Variants in GCN1 observed in about 807,000 individuals in gnomAD.
GCN1 encodes GCN1 activator of EIF2AK4.
Under a neutral mutation model 288.4 loss-of-function variants are expected in GCN1, and 90 were observed. That is an observed-to-expected ratio of 0.31 (90% CI 0.26 to 0.37). The LOEUF (loss-of-function observed/expected upper bound fraction) is 0.37. Ranked by LOEUF, GCN1 falls within the 10% of genes least tolerant of loss-of-function variation. GCN1 has a pLI of 1.00. For missense variants in GCN1, 2,586 were observed against 3,419.9 expected (o/e 0.76, Z 6.08); for synonymous variants, 1,386 against 1,420.2 (o/e 0.98, Z 0.54).
intron 23 of GCN1, 23 bp downstream of exon 23, chr12:120,160,119 A>G (rs1877878723): frequency 9.4e-6 from 15 of 1,596,654 alleles, no homozygotes; most frequent in Non-Finnish European, 1.3e-5. Flanking sequence ...CGGCTTGAGC[A>G]TGTGGCGGAG....
intron 51 of GCN1, among the ~76,000 whole-genome samples, chr12:120,135,407 C>T (rs1876968337): frequency 6.6e-6 from 1 of 151,948 alleles, no homozygotes; most frequent in Non-Finnish European, 1.5e-5. Context: ...TCTTGTTGCC[C>T]AGGCTGGAGT....
chr12:120,137,326 G>T lies in GCN1; in HGVS notation c.6664-7C>A. On this transcript the variant is annotated splice_polypyrimidine_tract_variant and splice_region_variant and intron_variant, in intron 49 of 57. Coordinates refer to ENST00000300648, the MANE Select transcript of GCN1 (RefSeq NM_006836.2). The surrounding 1 kb of genome is among the most constrained non-coding windows in gnomAD (Gnocchi z 5.2). ...GGTTGCCAGCATCCAGCTTCTGCAG[G>T]AATCCAGGAAAAAGCGAGAGGATGT... The T allele has an allele frequency of 6.2e-7, 1 of 1,609,206 alleles. No individual in the cohort carries two copies.
rs775963019 is a variant in GCN1 at position 120,163,269 on chromosome 12, G to A, written c.1849-10C>T. 2 of 1,609,034 alleles carry A rather than the reference G, an allele frequency of 1.2e-6. No homozygotes were observed. Among genetic ancestry groups the A allele is most frequent in the African/African-American group, 2.7e-5 (2 of 74,850 alleles). ...CCTCTAAGGGCAGCACCTGTGTGGAGACACATGAGATAATACTGCTAAGAG... is the reference window on the plus strand; with the variant it reads ...CCTCTAAGGGCAGCACCTGTGTGGAAACACATGAGATAATACTGCTAAGAG... On this transcript the variant is annotated splice_polypyrimidine_tract_variant and intron_variant, in intron 18 of 57. Coordinates refer to ENST00000300648, the MANE Select transcript of GCN1 (RefSeq NM_006836.2).
Position 120,142,197 on chromosome 12 carries a change from A to G in GCN1, c.5829+310T>C, listed in dbSNP as rs1877219221. On this transcript the variant is annotated intron_variant, in intron 44 of 57. Transcript: ENST00000300648. The surrounding 1 kb of genome is among the most constrained non-coding windows in gnomAD (Gnocchi z 4.9). ...AAAAAATGGCCAGGTGTGGTGGTGGATGCCTGTAGTCCCAGCTACTCGGGA... is the reference window on the plus strand; with the variant it reads ...AAAAAATGGCCAGGTGTGGTGGTGGGTGCCTGTAGTCCCAGCTACTCGGGA... 6.6e-6 allele frequency among the ~76,000 whole-genome samples: 1 copy of G among 152,070 alleles called. No individual in the cohort carries two copies. Among genetic ancestry groups the G allele is most frequent in the South Asian group, 2.1e-4 (1 of 4,818 alleles).
intron 15 of GCN1, among the ~76,000 whole-genome samples, chr12:120,169,888 T>A (rs959831977): frequency 6.6e-6 from 1 of 152,198 alleles, no homozygotes; most frequent in African/African-American, 2.4e-5. Flanking sequence ...TATAACCAAC[T>A]GAAACAAACA....
In GCN1 at chr12:120,178,653, T is replaced by C; in HGVS notation, c.632A>G (p.Lys211Arg). 2 of 1,614,244 alleles carry C rather than the reference T, an allele frequency of 1.2e-6. No individual in the cohort carries two copies. Among genetic ancestry groups the C allele is most frequent in the East Asian group, 2.2e-5 (1 of 44,888 alleles). ...GLLVQFCTSH[K>R]EMDVVSQHKS... ...GTGCTGACTGACCACGTCCATCTCCTTGTGACTCGTGCAGAACTGCACCAG... is the reference window on the plus strand; with the variant it reads ...GTGCTGACTGACCACGTCCATCTCCCTGTGACTCGTGCAGAACTGCACCAG... The change falls in exon 7 of 58, where the codon AAG becomes AGG. Residue 211 changes from lysine to arginine, a missense_variant. Coordinates refer to ENST00000300648, the MANE Select transcript of GCN1 (RefSeq NM_006836.2).
Position 120,161,478 on chromosome 12 carries a change from C to T in GCN1, c.2436+12G>A, listed in dbSNP as rs1490853483. On this transcript the variant is annotated intron_variant, in intron 22 of 57. Coordinates refer to ENST00000300648, the MANE Select transcript of GCN1 (RefSeq NM_006836.2). Reference sequence around the variant, plus strand: ...CAGCAGCCACCTTCCGTAAGTGCCTCCGTGTACTCACCTCCTTCAGCTCCA... The same window carrying T: ...CAGCAGCCACCTTCCGTAAGTGCCTTCGTGTACTCACCTCCTTCAGCTCCA... The T allele has an allele frequency of 6.3e-7, 1 of 1,590,716 alleles. No homozygotes were observed. The highest frequency in any genetic ancestry group is 1.3e-5 in the African/African-American group (1 of 74,588).
intron 9 of GCN1, among the ~76,000 whole-genome samples, 182 bp from the exon 10 acceptor site, chr12:120,176,399 A>G (rs1220430504): frequency 6.6e-6 from 1 of 152,196 alleles, no homozygotes; most frequent in Non-Finnish European, 1.5e-5. Context: ...CCGATCAGCA[A>G]AAATTGCCTT....
intron 44 of GCN1, among the ~76,000 whole-genome samples, 164 bp from the exon 45 acceptor site, chr12:120,141,187 T>C (rs1244076672): frequency 2.0e-5 from 3 of 152,162 alleles, no homozygotes; most frequent in Admixed American, 6.5e-5. Context: ...ATACTCTCTG[T>C]AGTGCTTGCA....
intron 5 of GCN1, among the ~76,000 whole-genome samples, chr12:120,182,017 T>C (rs1878680557): frequency 6.6e-6 from 1 of 151,078 alleles, no homozygotes; most frequent in Non-Finnish European, 1.5e-5. Context: ...TGTGGTGGCA[T>C]GCACATATAG....
chr12:120,175,843 C>T lies in GCN1; in HGVS notation c.945G>A (p.Met315Ile). The T allele has an allele frequency of 3.7e-6, 6 of 1,613,274 alleles. No individual in the cohort carries two copies. Among genetic ancestry groups the T allele is most frequent in the Non-Finnish European group, 5.1e-6 (6 of 1,179,772 alleles). Reference protein sequence around the residue: ...GHLKSNSPRLMDEAVLALRNL... With the variant: ...GHLKSNSPRLIDEAVLALRNL... ...TCCGCAGTGCCAGCACAGCTTCATC[C>T]ATCAGGCGGGGACTGTTGGATTTCA... Residue 315 changes from methionine to isoleucine, a missense_variant, in exon 11 of 58, where the codon ATG (methionine) becomes ATA (isoleucine). Physicochemically the swap from Met to Ile is conservative, Grantham distance 10. Transcript: ENST00000300648.
intron 12 of GCN1, among the ~76,000 whole-genome samples, chr12:120,174,640 A>C (rs1448241680): frequency 1.3e-5 from 2 of 151,728 alleles, no homozygotes; most frequent in Non-Finnish European, 2.9e-5. Context: ...AATACAAAAA[A>C]ATTAGCTGGA....
intron 31 of GCN1, among the ~76,000 whole-genome samples, chr12:120,154,579 G>C (rs567559718): frequency 1.2e-4 from 19 of 152,354 alleles, no homozygotes; most frequent in African/African-American, 4.3e-4. Context: ...TTCTGTTATT[G>C]TGCCCTGCAT....
In GCN1 at chr12:120,177,602, C is replaced by T. The variant is rs200580945; in HGVS notation, c.730-47G>A. 2.4e-5 allele frequency: 37 copies of T among 1,548,968 alleles called. No individual in the cohort carries two copies. In the East Asian group the frequency reaches 8.1e-4, roughly 34 times the overall value. On this transcript the variant is annotated intron_variant, in intron 8 of 57. Coordinates refer to ENST00000300648, the MANE Select transcript of GCN1 (RefSeq NM_006836.2). ...GCACCTAGCCCTCATGGGAACGGACCAAGAAGCAAAAAAGAGTTCAGCATC... is the reference window on the plus strand; with the variant it reads ...GCACCTAGCCCTCATGGGAACGGACTAAGAAGCAAAAAAGAGTTCAGCATC...
intron 9 of GCN1, among the ~76,000 whole-genome samples, chr12:120,176,570 G>A (rs754852070): frequency 2.6e-5 from 4 of 152,176 alleles, no homozygotes; most frequent in Non-Finnish European, 5.9e-5. Context: ...GGGAGGTGGA[G>A]GGGTAAGAGG....
chr12:120,138,205 C>T (rs1467143920), intron 47 of GCN1, 118 bp downstream of exon 47: 1 of 921,336 alleles, frequency 1.1e-6, no homozygotes, highest in Non-Finnish European at 1.8e-6. Context: ...GTAATGCTTG[C>T]ACTGCACCCT....
At chr12:120,135,141 A>G (rs543645766) in intron 51 of GCN1, among the ~76,000 whole-genome samples, 20 of 152,218 alleles carry the variant, frequency 1.3e-4, no homozygotes, top group Non-Finnish European at 2.5e-4. Flanking sequence ...GACTCAGTGT[A>G]TAATTGCAGA....
chr12:120,147,375 C>T, intron 37 of GCN1, 103 bp from the exon 38 acceptor site: 1 of 522,266 alleles, frequency 1.9e-6, no homozygotes, highest in South Asian at 4.3e-5. Flanking sequence ...GGGAGTCTGG[C>T]ACACCTCCTC....
chr12:120,146,073 C>A (rs963213309), intron 38 of GCN1, among the ~76,000 whole-genome samples: 1 of 151,942 alleles, frequency 6.6e-6, no homozygotes, highest in Non-Finnish European at 1.5e-5. Flanking sequence ...TCGAGACCAG[C>A]CTGGCCAACA....
Sources: allele counts gnomAD v4.1 joint callset (sites outside exome capture counted in the v4.1 genomes callset), GRCh38; gene constraint gnomAD v4.1.1; non-coding constraint Gnocchi (gnomAD v3.1); transcripts MANE v1.5; gene names NCBI Gene and HGNC (gene_info 2026-07-23, HGNC 2026-07-21).